The following MINDY4B variants were observed in gnomAD, a reference collection of about 807,000 sequenced individuals.
MINDY4B encodes the protein inactive ubiquitin carboxyl-terminal hydrolase MINDY-4B.
A neutral mutation model predicts 16.7 loss-of-function variants in MINDY4B; 25 were observed. That is an observed-to-expected ratio of 1.49 (90% confidence interval 1.09 to 2.09). The LOEUF (loss-of-function observed/expected upper bound fraction) is 2.09. Among genes scored for constraint, MINDY4B ranks in the 30% most tolerant of loss-of-function variants. The probability of loss-of-function intolerance (pLI) is 0.00; values close to 1 mark genes in which losing one functional copy is unlikely to be tolerated. For synonymous variants in MINDY4B, 132 were observed against 61.9 expected (o/e 2.13, Z -5.32); for missense variants, 327 against 168.4 (o/e 1.94, Z -5.21).
chr3:150,888,695 A>G (rs1711693249), intron 7 of MINDY4B, among the ~76,000 whole-genome samples: 1 of 152,172 alleles, frequency 6.6e-6, no homozygotes, highest in Non-Finnish European at 1.5e-5. Context: ...GGCTAAGGTA[A>G]TGTTTAGCTC....
intron 10 of MINDY4B, among the ~76,000 whole-genome samples, chr3:150,876,572 T>G (rs1711497384): frequency 6.6e-6 from 1 of 152,156 alleles, no homozygotes; most frequent in Non-Finnish European, 1.5e-5. Flanking sequence ...ACAAATTAGT[T>G]CATGTTTGCA....
chr3:150,886,940 A>T (rs568266889), intron 7 of MINDY4B, among the ~76,000 whole-genome samples: 1 of 152,190 alleles, frequency 6.6e-6, no homozygotes. Flanking sequence ...GATAAGTTCC[A>T]TTATCCAGTG....
At chr3:150,884,391 G>A (rs1044663877) in intron 8 of MINDY4B, among the ~76,000 whole-genome samples, 2 of 152,224 alleles carry the variant, frequency 1.3e-5, no homozygotes, top group Non-Finnish European at 2.9e-5. Context: ...TTCTGTGAAT[G>A]AGACTTAAAG....
chr3:150,889,032 A>T (rs540084058), intron 7 of MINDY4B, among the ~76,000 whole-genome samples: 22 of 152,334 alleles, frequency 1.4e-4, no homozygotes, highest in African/African-American at 5.1e-4. Flanking sequence ...ACAACAAAGA[A>T]TCCCTAAGCA....
chr3:150,902,101 C>G (rs746197735), intron 3 of MINDY4B, among the ~76,000 whole-genome samples: 4 of 152,004 alleles, frequency 2.6e-5, no homozygotes, highest in Non-Finnish European at 5.9e-5. Context: ...GTGGTTTCCC[C>G]GGAAGAAGTT....
chr3:150,898,113 C>T (rs1712024304), intron 3 of MINDY4B, among the ~76,000 whole-genome samples: 2 of 152,202 alleles, frequency 1.3e-5, no homozygotes, highest in African/African-American at 4.8e-5. Flanking sequence ...GAAAGAGAAG[C>T]ATGGCAAAGG....
Position 150,893,316 on chromosome 3 carries a change from C to T in MINDY4B, c.521+8G>A, listed in dbSNP as rs1287941131. ...GGGTAATTCAAGTACTTCTCACAGT[C>T]CTCTTACTTGCCAAGGTTACAGTCT... is the stretch of plus-strand genomic sequence containing the variant. On this transcript the variant is annotated splice_region_variant and intron_variant, in intron 5 of 11. Transcript: ENST00000465419. 5.7e-6 allele frequency: 4 copies of T among 702,728 alleles called. No individual in the cohort carries two copies. Among genetic ancestry groups the T allele is most frequent in the Non-Finnish European group, 1.0e-5 (4 of 384,812 alleles). The allele number at this position is 702,728 out of a possible 1,614,324, so 43.5% of individuals were successfully genotyped here. A position where few individuals can be genotyped will look rare whatever the true frequency, so the allele number is the denominator to read the frequency against.
intron 10 of MINDY4B, among the ~76,000 whole-genome samples, chr3:150,876,212 A>G (rs1185591840): frequency 6.6e-6 from 1 of 152,262 alleles, no homozygotes; most frequent in African/African-American, 2.4e-5. Flanking sequence ...CAGGCTTTTC[A>G]TAACACATAT....
intron 7 of MINDY4B, among the ~76,000 whole-genome samples, chr3:150,885,662 T>A (rs544408847): frequency 1.3e-5 from 2 of 152,314 alleles, no homozygotes; most frequent in East Asian, 3.9e-4. Context: ...CCTCACCTTA[T>A]CTTTTTGTCC....
rs202161920 is a variant in MINDY4B, at chr3:150,873,830, GA to G, written c.1060-464del. Among the ~76,000 whole-genome samples the G allele has an allele frequency of 9.9e-3, 1,505 of 151,904 alleles. 12 individuals carry two copies. Among genetic ancestry groups the G allele is most frequent in the South Asian group, 0.026 (125 of 4,816 alleles). ...GGCAACATCAACTATTTAGAATATA[GA>G]AAAAATGATATTTAAGATATATAAA... On this transcript the variant is annotated intron_variant, in intron 10 of 11. Coordinates refer to ENST00000465419, the MANE Select transcript of MINDY4B (RefSeq NM_001351281.2).
intron 4 of MINDY4B, among the ~76,000 whole-genome samples, 180 bp from the exon 5 acceptor site, chr3:150,893,595 A>G (rs1457116661): frequency 6.6e-6 from 1 of 151,358 alleles, no homozygotes; most frequent in Non-Finnish European, 1.5e-5. Flanking sequence ...GGATTCTGCA[A>G]TGCCTAGCAT....
At chr3:150,891,382 C>A (rs1408664582) in intron 5 of MINDY4B, among the ~76,000 whole-genome samples, 4 of 152,180 alleles carry the variant, frequency 2.6e-5, no homozygotes, top group African/African-American at 9.7e-5. Context: ...GAACTATAGT[C>A]TTTATAAAGA....
At chr3:150,872,913 C>T (rs1717003291) in intron 11 of MINDY4B, among the ~76,000 whole-genome samples, 1 of 152,216 alleles carries the variant, frequency 6.6e-6, no homozygotes, top group Admixed American at 6.5e-5. Flanking sequence ...GGAAATTTGG[C>T]TCCATAACTT....
intron 3 of MINDY4B, among the ~76,000 whole-genome samples, chr3:150,896,561 T>A (rs1006789459): frequency 1.3e-5 from 2 of 152,220 alleles, no homozygotes; most frequent in Admixed American, 1.3e-4. Context: ...CAGATTCTTT[T>A]GTCCCACGGG....
In MINDY4B at chr3:150,891,490, C is replaced by T. The variant is rs987880560; in HGVS notation, c.522-387G>A. Among the ~76,000 whole-genome samples the T allele has an allele frequency of 1.8e-4, 22 of 124,796 alleles. 1 individual carries two copies. The highest frequency in any genetic ancestry group is 6.4e-4 in the Admixed American group (8 of 12,510). The allele number at this position is 124,796 out of a possible 152,430, so 81.9% of individuals were successfully genotyped here. On this transcript the variant is annotated intron_variant, in intron 5 of 11. Transcript: ENST00000465419. ...AAATGAGTAACAAAAGGTCAGGCAC[C>T]GTGGCTCATGCCTGTAATCCCAGTA...
chr3:150,878,114 G>A (rs1309875419), intron 10 of MINDY4B, among the ~76,000 whole-genome samples: 1 of 151,996 alleles, frequency 6.6e-6, no homozygotes, highest in African/African-American at 2.4e-5. Flanking sequence ...ACTTGGAGTG[G>A]ACGTGGGGAT....
intron 10 of MINDY4B, among the ~76,000 whole-genome samples, chr3:150,873,977 T>C (rs1717029594): frequency 6.6e-6 from 1 of 150,674 alleles, no homozygotes; most frequent in East Asian, 1.9e-4. Flanking sequence ...GGTTTTTTTC[T>C]AAGTACTTGT....
At chr3:150,888,534 G>A (rs1576612592) in intron 7 of MINDY4B, among the ~76,000 whole-genome samples, 1 of 152,148 alleles carries the variant, frequency 6.6e-6, no homozygotes, top group South Asian at 2.1e-4. Flanking sequence ...CAGGATTGAT[G>A]CATTTTGATA....
chr3:150,892,504 A>T (rs1711843555), intron 5 of MINDY4B, among the ~76,000 whole-genome samples: 1 of 152,222 alleles, frequency 6.6e-6, no homozygotes, highest in Non-Finnish European at 1.5e-5. Flanking sequence ...TGAGGGCAGA[A>T]GTATTTATAT....
Sources: gnomAD v4.1 joint callset for allele counts (sites outside exome capture counted in the v4.1 genomes callset) on GRCh38, gnomAD v4.1.1 for gene constraint, MANE v1.5 for transcripts, NCBI Gene and HGNC (gene_info 2026-07-23, HGNC 2026-07-21) for gene names.